GABRA4: variants seen among roughly 807,000 people sequenced by gnomAD.
The protein encoded by GABRA4 is gamma-aminobutyric acid receptor subunit alpha-4.
GABRA4 carries 12 observed loss-of-function variants against 49.7 expected under a neutral mutation model. That is an observed-to-expected ratio of 0.24 (90% CI 0.15 to 0.39). The LOEUF (loss-of-function observed/expected upper bound fraction) is 0.39. GABRA4 is among the 10% of genes least tolerant of loss of function. The probability of loss-of-function intolerance (pLI) is 1.00; values close to 1 mark genes in which losing one functional copy is unlikely to be tolerated. For missense variants in GABRA4, 506 were observed against 686.0 expected (o/e 0.74, Z 2.93); for synonymous variants, 288 against 240.2 (o/e 1.20, Z -1.84).
At chr4:46,975,943 A>C (rs929288571) in intron 5 of GABRA4, among the ~76,000 whole-genome samples, 1 of 151,962 alleles carries the variant, frequency 6.6e-6, no homozygotes, top group Non-Finnish European at 1.5e-5. Context: ...AGGGGTTATA[A>C]AAAGAATAGT....
intron 8 of GABRA4, among the ~76,000 whole-genome samples, chr4:46,963,425 T>A (rs1485780154): frequency 6.6e-6 from 1 of 151,792 alleles, no homozygotes; most frequent in East Asian, 1.9e-4. Flanking sequence ...TGTGCTATTC[T>A]TGTGATAGTG....
At chr4:46,978,977 T>C (rs1723252840) in intron 3 of GABRA4, 54 bp downstream of exon 3, 1 of 1,158,398 alleles carries the variant, frequency 8.6e-7, no homozygotes, top group African/African-American at 1.5e-5. Flanking sequence ...TGCCCTCTTT[T>C]CTACATGTTT....
chr4:46,975,680 T>C (rs1363654434), intron 5 of GABRA4, among the ~76,000 whole-genome samples: 1 of 151,970 alleles, frequency 6.6e-6, no homozygotes, highest in African/African-American at 2.4e-5. Flanking sequence ...ACGAACTATG[T>C]TCAAGTCCTT....
chr4:46,929,185 C>T (rs918012918), intron 8 of GABRA4, among the ~76,000 whole-genome samples: 4 of 151,794 alleles, frequency 2.6e-5, no homozygotes, highest in African/African-American at 9.7e-5. Context: ...ACAGGGAGAA[C>T]TATACCTAGT....
At chr4:46,969,475 T>C (rs974814569) in intron 7 of GABRA4, among the ~76,000 whole-genome samples, 1 of 151,490 alleles carries the variant, frequency 6.6e-6, no homozygotes, top group African/African-American at 2.4e-5. Flanking sequence ...TTAGCTTGAG[T>C]GTTAAATGAG....
chr4:46,988,002 T>G (rs1416240724), intron 2 of GABRA4, among the ~76,000 whole-genome samples: 1 of 152,140 alleles, frequency 6.6e-6, no homozygotes, highest in Non-Finnish European at 1.5e-5. Context: ...TCTTGCATTC[T>G]GGCTACAGGC....
At chr4:46,960,558 A>T (rs1363838610) in intron 8 of GABRA4, among the ~76,000 whole-genome samples, 2 of 151,744 alleles carry the variant, frequency 1.3e-5, no homozygotes, top group African/African-American at 4.8e-5. Flanking sequence ...GAACATATGC[A>T]ATACTAATAA....
intron 6 of GABRA4, among the ~76,000 whole-genome samples, chr4:46,971,632 T>A (rs1396846964): frequency 6.6e-6 from 1 of 151,278 alleles, no homozygotes; most frequent in East Asian, 1.9e-4. Flanking sequence ...CAGTTACACA[T>A]ACACAGACAC....
At chr4:46,957,862 T>C (rs1431637740) in intron 8 of GABRA4, among the ~76,000 whole-genome samples, 2 of 151,958 alleles carry the variant, frequency 1.3e-5, no homozygotes, top group East Asian at 3.9e-4. Context: ...AGAACATATT[T>C]TATAAGTTGT....
intron 8 of GABRA4, among the ~76,000 whole-genome samples, chr4:46,939,110 T>A (rs1012063602): frequency 1.3e-5 from 2 of 151,932 alleles, no homozygotes; most frequent in African/African-American, 4.8e-5. Context: ...GGGAAGAAGA[T>A]GCTGTTGATA....
chr4:46,989,516 T>C (rs2109410276), intron 2 of GABRA4, among the ~76,000 whole-genome samples: 1 of 152,296 alleles, frequency 6.6e-6, no homozygotes, highest in Middle Eastern at 3.4e-3. Context: ...TGGGAGAATG[T>C]AGGAGACAAG....
At position 46,924,006 on chromosome 4, in the gene GABRA4, T is replaced by C. The variant is rs960473311; in HGVS notation, c.*4219A>G. 1 of 152,140 alleles carries C rather than the reference T, an allele frequency of 6.6e-6. No individual in the cohort carries two copies. The highest frequency in any genetic ancestry group is 6.6e-5 in the Admixed American group (1 of 15,248). 9.4% of individuals were successfully genotyped at this position (152,140 alleles called of 1,614,324 possible). On this transcript the variant is annotated 3_prime_UTR_variant, in exon 9 of 9. Coordinates refer to ENST00000264318, the MANE Select transcript of GABRA4 (RefSeq NM_000809.4). ...GCGCTTTCATTTTTTTGTTTGTTTG[T>C]GGAAGTGGGAATGGAGGCTATAAGA...
At chr4:46,946,352 G>T (rs1224048792) in intron 8 of GABRA4, among the ~76,000 whole-genome samples, 1 of 152,186 alleles carries the variant, frequency 6.6e-6, no homozygotes, top group Admixed American at 6.6e-5. Context: ...TATATAGAGC[G>T]TGAGTCACTA....
chr4:46,954,511 C>T (rs893810177), intron 8 of GABRA4, among the ~76,000 whole-genome samples: 3 of 149,246 alleles, frequency 2.0e-5, no homozygotes, highest in Admixed American at 6.7e-5. Flanking sequence ...GAGCCAAAAT[C>T]GTGCCATTGC....
chr4:46,955,801 A>C (rs1259704023), intron 8 of GABRA4, among the ~76,000 whole-genome samples: 2 of 152,096 alleles, frequency 1.3e-5, no homozygotes, highest in Non-Finnish European at 2.9e-5. Flanking sequence ...GAACAAACAT[A>C]CTTGAATTCT....
In GABRA4 at chr4:46,940,765, T is replaced by A. The variant is rs539834613; in HGVS notation, c.1135-12010A>T. 7.3e-5 allele frequency among the ~76,000 whole-genome samples: 11 copies of A among 150,944 alleles called. No homozygotes were observed. The South Asian group carries it at 2.1e-3, about 29-fold the overall frequency. ...CCCCCCAAAAAATTGCTGAAGCCAT[T>A]TGGCTGTTTTCCAGAAAATAATTTA... is the stretch of plus-strand genomic sequence containing the variant. On this transcript the variant is annotated intron_variant, in intron 8 of 8. Coordinates refer to ENST00000264318, the MANE Select transcript of GABRA4 (RefSeq NM_000809.4).
intron 7 of GABRA4, among the ~76,000 whole-genome samples, chr4:46,967,004 C>T (rs1722786055): frequency 6.6e-6 from 1 of 151,540 alleles, no homozygotes; most frequent in African/African-American, 2.4e-5. Context: ...AAAAGTGGCA[C>T]CACTCCCATG....
Position 46,977,455 on chromosome 4 carries a change from T to C in GABRA4, c.449A>G (p.Lys150Arg). The C allele has an allele frequency of 6.2e-7, 1 of 1,608,714 alleles. No homozygotes were observed. The highest frequency in any genetic ancestry group is 8.5e-7 in the Non-Finnish European group (1 of 1,176,144). ...ACCATTTCTCATAATTCTAAAAAGC[T>C]TATTTGGAGCTGTCATATTATGTGA... Reference protein sequence around the residue: ...SVSHNMTAPNKLFRIMRNGTI... With the variant: ...SVSHNMTAPNRLFRIMRNGTI... Residue 150 changes from lysine (K) to arginine (R), a missense_variant, in exon 4 of 9, where the codon AAG (lysine) becomes AGG (arginine). Lys to Arg is a conservative substitution (Grantham distance 26). Coordinates refer to ENST00000264318, the MANE Select transcript of GABRA4 (RefSeq NM_000809.4).
chr4:46,931,098 C>T (rs779983922), intron 8 of GABRA4, among the ~76,000 whole-genome samples: 1 of 151,880 alleles, frequency 6.6e-6, no homozygotes, highest in Admixed American at 6.6e-5. Flanking sequence ...AAGAGAGTCC[C>T]CATTGAGTAT....
Sources: gnomAD v4.1 joint callset for allele counts (sites outside exome capture counted in the v4.1 genomes callset) on GRCh38, gnomAD v4.1.1 for gene constraint, MANE v1.5 for transcripts, NCBI Gene and HGNC (gene_info 2026-07-23, HGNC 2026-07-21) for gene names.